Variants in CFAP99 observed in about 807,000 individuals in gnomAD.
The protein encoded by CFAP99 is cilia- and flagella-associated protein 99.
In CFAP99, 84 loss-of-function variants were observed where a neutral mutation model predicts 82.7. The observed-to-expected ratio is 1.02, with a 90% CI of 0.85 to 1.22. The LOEUF is 1.22. CFAP99 is among the 50% of genes most tolerant of loss of function. CFAP99 has a pLI of 0.00. For missense variants in CFAP99, 1,059 were observed against 983.5 expected, an observed-to-expected ratio of 1.08 and a Z score of -1.03; for synonymous variants, 456 against 429.5, an observed-to-expected ratio of 1.06 and a Z score of -0.76.
intron 2 of CFAP99, among the ~76,000 whole-genome samples, chr4:2,435,839 C>T: frequency 6.7e-6 from 1 of 148,746 alleles, no homozygotes; most frequent in African/African-American, 2.4e-5. Flanking sequence ...TGGGAAGCAG[C>T]TACTCAGGAG....
At chr4:2,444,195 T>C (rs1734111326) in intron 5 of CFAP99, among the ~76,000 whole-genome samples, 1 of 152,078 alleles carries the variant, frequency 6.6e-6, no homozygotes, top group African/African-American at 2.4e-5. Flanking sequence ...CTGGTGCCCC[T>C]ACCTTGTGCC....
intron 1 of CFAP99, among the ~76,000 whole-genome samples, chr4:2,421,340 T>C (rs1231597600): frequency 6.7e-6 from 1 of 149,122 alleles, no homozygotes; most frequent in East Asian, 2.0e-4. Context: ...GAAGCTTTAG[T>C]CTGCCCACCC....
chr4:2,442,821 GA>G (rs1313412712), intron 4 of CFAP99, among the ~76,000 whole-genome samples: 3 of 152,196 alleles, frequency 2.0e-5, no homozygotes, highest in Admixed American at 6.5e-5. Context: ...ACCAGCATCA[GA>G]GTTCCGTGGT....
At chr4:2,458,104 G>A (rs1377881829) in intron 11 of CFAP99, among the ~76,000 whole-genome samples, 2 of 152,196 alleles carry the variant, frequency 1.3e-5, no homozygotes, top group Admixed American at 6.5e-5. Context: ...GCGCCCAGCC[G>A]TCTCCCTGTG....
rs948687217 is a variant in CFAP99 at position 2,454,428 on chromosome 4, C to T, written c.1161+2082C>T. Among the ~76,000 whole-genome samples, 5 of 151,542 alleles carry T rather than the reference C, an allele frequency of 3.3e-5. No individual in the cohort carries two copies. The East Asian group carries it at 5.9e-4, about 18-fold the overall frequency. On this transcript the variant is annotated intron_variant, in intron 11 of 14. Transcript: ENST00000635017. The stretch of plus-strand genomic sequence containing the variant: ...CTGGGATTACAGGTGGAAGCCACCA[C>T]GCCCGGCCTAACATGATCTTTTGGA...
rs192174430 is a variant in CFAP99, at chr4:2,448,669, G to A, written c.643-1001G>A. ...TGGGCAGGAGCAAGGTGCAGGCAAA[G>A]GCCCTGGGGCAGTGCCCACCCTCCC... On this transcript the variant is annotated intron_variant, in intron 6 of 14. Coordinates refer to ENST00000635017, the Ensembl canonical transcript of CFAP99. This position sits in a 1 kb window ranked among gnomAD's most constrained non-coding sequence, Gnocchi z 5.2. Among the ~76,000 whole-genome samples, 26 of 152,360 alleles carry A rather than the reference G, an allele frequency of 1.7e-4. No individual in the cohort carries two copies. Among genetic ancestry groups the A allele is most frequent in the Middle Eastern group, 3.4e-3 (1 of 294 alleles).
intron 4 of CFAP99, 96 bp downstream of exon 4, chr4:2,438,260 G>A (rs1733962325): frequency 4.4e-6 from 3 of 677,556 alleles, no homozygotes; most frequent in Non-Finnish European, 7.7e-6. Flanking sequence ...GGGTTGTTTT[G>A]TTTGTTTGTT....
At chr4:2,442,374 G>A (rs140595934) in intron 4 of CFAP99, among the ~76,000 whole-genome samples, 84 of 152,268 alleles carry the variant, frequency 5.5e-4, no homozygotes, top group Admixed American at 1.3e-3. Flanking sequence ...AAGCAGCTGC[G>A]GAAGGCTCTA....
intron 1 of CFAP99, among the ~76,000 whole-genome samples, chr4:2,419,314 C>T (rs563311921): frequency 2.4e-4 from 36 of 152,230 alleles, no homozygotes; most frequent in African/African-American, 8.4e-4. Flanking sequence ...CTACTCCCCC[C>T]AGTGGTGCCC....
chr4:2,422,584 C>G (rs1733606329), intron 1 of CFAP99, among the ~76,000 whole-genome samples: 2 of 152,164 alleles, frequency 1.3e-5, no homozygotes, highest in African/African-American at 4.8e-5. Flanking sequence ...GGCAGCAGCT[C>G]CCACCACACA....
chr4:2,441,702 AT>A (rs1734045341), intron 4 of CFAP99, among the ~76,000 whole-genome samples: 1 of 152,120 alleles, frequency 6.6e-6, no homozygotes, highest in Non-Finnish European at 1.5e-5. Context: ...CCCACACCCC[AT>A]GCCCCGCTGG....
Position 2,451,246 on chromosome 4 carries a change from C to T in CFAP99, c.868-18C>T. ...GGTCTCCTCAAGCCCCCACCACAGC[C>T]AGTCCCCAATCCCGCAGCCTGACAA... On this transcript the variant is annotated intron_variant, in intron 9 of 14. Coordinates refer to ENST00000635017, the Ensembl canonical transcript of CFAP99. The T allele has an allele frequency of 6.5e-7, 1 of 1,535,908 alleles. No individual in the cohort carries two copies. Among genetic ancestry groups the T allele is most frequent in the East Asian group, 2.4e-5 (1 of 40,918 alleles).
In CFAP99 at chr4:2,462,848, G is replaced by C; in HGVS notation, c.2067G>C (p.Arg689=). Residue 689 remains arginine (R), a synonymous_variant, in exon 15 of 15, where the codon CGG becomes CGC. Coordinates refer to ENST00000635017, the Ensembl canonical transcript of CFAP99. The surrounding 1 kb of genome is among the most constrained non-coding windows in gnomAD (Gnocchi z 4.1). Reference sequence around the variant, plus strand: ...CGCAGCACTGGCTGGAGCTGGAGCGGAGCCGCGAGCGCAGGCTGCAGGCGC... The same window carrying C: ...CGCAGCACTGGCTGGAGCTGGAGCGCAGCCGCGAGCGCAGGCTGCAGGCGC... The C allele has an allele frequency of 7.2e-7, 1 of 1,393,158 alleles. No homozygotes were observed. Among genetic ancestry groups the C allele is most frequent in the African/African-American group, 1.5e-5 (1 of 66,464 alleles). The allele number at this position is 1,393,158 out of a possible 1,614,324, so 86.3% of individuals were successfully genotyped here.
chr4:2,426,618 C>T (rs920263089), intron 2 of CFAP99, 32 bp downstream of exon 2: 33 of 1,356,230 alleles, frequency 2.4e-5, no homozygotes, highest in African/African-American at 2.9e-5. Flanking sequence ...TGGGAGGCCA[C>T]GCCAATGGCA....
chr4:2,460,131 A>G, exon 14 of CFAP99: 2 of 1,536,118 alleles, frequency 1.3e-6, no homozygotes, highest in Non-Finnish European at 1.7e-6. Flanking sequence ...AAGGAGGAAG[A>G]AAAGCGGGAT....
chr4:2,434,817 G>A (rs1356733507), intron 2 of CFAP99, among the ~76,000 whole-genome samples: 2 of 152,238 alleles, frequency 1.3e-5, no homozygotes, highest in Admixed American at 1.3e-4. Context: ...GCTGAAGCCT[G>A]TAGTTCTCAG....
rs1734175411 is a variant in CFAP99 at position 2,446,799 on chromosome 4, A to AGATGGATGGGTGGATGAATGGATG, written c.642+1501_642+1524dup. Among the ~76,000 whole-genome samples the AGATGGATGGGTGGATGAATGGATG allele has an allele frequency of 6.7e-6, 1 of 148,326 alleles. No homozygotes were observed. The highest frequency in any genetic ancestry group is 2.5e-5 in the African/African-American group (1 of 40,764). Reference sequence around the variant, plus strand: ...GTGGATGGATTATCAGATGGATGGTAGATGGATGGGTGGATGAATGGATGG... The same window carrying AGATGGATGGGTGGATGAATGGATG: ...GTGGATGGATTATCAGATGGATGGTAGATGGATGGGTGGATGAATGGATGGATGGATGGGTGGATGAATGGATGG... On this transcript the variant is annotated intron_variant, in intron 6 of 14. Transcript: ENST00000635017. This position sits in a 1 kb window ranked among gnomAD's most constrained non-coding sequence, Gnocchi z 5.0.
chr4:2,422,690 G>C (rs1321811288), intron 1 of CFAP99, among the ~76,000 whole-genome samples: 1 of 152,178 alleles, frequency 6.6e-6, no homozygotes, highest in Non-Finnish European at 1.5e-5. Context: ...GCTGTATCCA[G>C]AGCAGATTCA....
At chr4:2,445,180 G>C in exon 6 of CFAP99, 1 of 1,423,724 alleles carries the variant, frequency 7.0e-7, no homozygotes, top group Admixed American at 2.9e-5. Flanking sequence ...GGGCGTGTCT[G>C]CCAGTCAATC....
Sources: gnomAD v4.1 joint callset for allele counts (sites outside exome capture counted in the v4.1 genomes callset) on GRCh38, gnomAD v4.1.1 for gene constraint, Gnocchi (gnomAD v3.1) non-coding constraint, MANE v1.5 for transcripts, NCBI Gene and HGNC (gene_info 2026-07-23, HGNC 2026-07-21) for gene names.